The following RNF130 variants were observed in gnomAD, a reference collection of about 807,000 sequenced individuals.
RNF130 encodes E3 ubiquitin-protein ligase RNF130.
In RNF130, 21 loss-of-function variants were observed where a neutral mutation model predicts 44.6. That is an observed-to-expected ratio of 0.47 (90% CI 0.33 to 0.68). The LOEUF (loss-of-function observed/expected upper bound fraction) is 0.68. RNF130 is among the 30% of genes least tolerant of loss of function. The probability of loss-of-function intolerance (pLI) is 0.02; values close to 1 mark genes in which losing one functional copy is unlikely to be tolerated. For missense variants in RNF130, 479 were observed against 560.6 expected (o/e 0.85, Z 1.47); for synonymous variants, 214 against 210.4 (o/e 1.02, Z -0.15).
At chr5:180,059,158 T>C (rs1241263024) in intron 1 of RNF130, among the ~76,000 whole-genome samples, 1 of 152,120 alleles carries the variant, frequency 6.6e-6, no homozygotes, top group African/African-American at 2.4e-5. Context: ...TACATCACAG[T>C]TTTTGCACCT....
intron 3 of RNF130, among the ~76,000 whole-genome samples, chr5:179,988,204 C>G (rs1408288763): frequency 1.3e-5 from 2 of 152,152 alleles, no homozygotes; most frequent in Non-Finnish European, 2.9e-5. Context: ...TCCATTTTCT[C>G]TAGGTTTTCC....
intron 8 of RNF130, among the ~76,000 whole-genome samples, chr5:179,957,917 G>T (rs1217585589): frequency 6.7e-6 from 1 of 149,214 alleles, no homozygotes; most frequent in South Asian, 2.1e-4. Flanking sequence ...TCGCTCTGTC[G>T]CCCAGGCTGG....
At chr5:179,961,797 G>A (rs554772843) in intron 8 of RNF130, among the ~76,000 whole-genome samples, 2 of 152,254 alleles carry the variant, frequency 1.3e-5, no homozygotes, top group South Asian at 4.2e-4. Flanking sequence ...ATGGTACTGT[G>A]TCCCACTTCA....
intron 2 of RNF130, among the ~76,000 whole-genome samples, chr5:180,033,833 T>C (rs948966991): frequency 1.3e-5 from 2 of 152,252 alleles, no homozygotes; most frequent in South Asian, 4.1e-4. Flanking sequence ...ATACACAACC[T>C]ATGAATAATG....
At chr5:180,031,761 G>C (rs4623110) in intron 2 of RNF130, among the ~76,000 whole-genome samples, 21,812 of 152,130 alleles carry the variant, frequency 0.14, 3,805 homozygotes, top group African/African-American at 0.42. Flanking sequence ...ATTTCTCTTA[G>C]ATATCTGGGA....
chr5:180,003,993 A>T (rs1006505466), intron 3 of RNF130, among the ~76,000 whole-genome samples: 3 of 152,242 alleles, frequency 2.0e-5, no homozygotes, highest in African/African-American at 7.2e-5. Flanking sequence ...TTATCGTCAC[A>T]ATCATTTTAT....
At chr5:179,949,760 G>A (rs924208440) in intron 7 of RNF130, among the ~76,000 whole-genome samples, 11 of 152,164 alleles carry the variant, frequency 7.2e-5, no homozygotes, top group African/African-American at 1.4e-4. Flanking sequence ...TGCAGCCTGC[G>A]TCGCTTGGCA....
chr5:179,953,640 C>T (rs1024056850), downstream of RNF130, among the ~76,000 whole-genome samples: 18 of 152,256 alleles, frequency 1.2e-4, no homozygotes, highest in Middle Eastern at 3.4e-3. Context: ...AATGGATCAT[C>T]AAAGATCTAA....
At chr5:179,972,353 C>T (rs775347390) in intron 5 of RNF130, among the ~76,000 whole-genome samples, 52 of 152,316 alleles carry the variant, frequency 3.4e-4, no homozygotes, top group Non-Finnish European at 6.2e-4. Flanking sequence ...AGGAGGAGTA[C>T]GGACCTATGC....
intron 7 of RNF130, among the ~76,000 whole-genome samples, chr5:179,924,817 A>T (rs187190386): frequency 1.4e-4 from 22 of 152,266 alleles, no homozygotes; most frequent in African/African-American, 4.8e-4. Context: ...TAAAAAATTT[A>T]AAATGGGATC....
intron 2 of RNF130, among the ~76,000 whole-genome samples, chr5:180,020,888 C>T (rs575752186): frequency 1.1e-4 from 17 of 152,298 alleles, no homozygotes; most frequent in African/African-American, 4.1e-4. Flanking sequence ...TTCAACACAA[C>T]ACAGGAACTC....
At chr5:180,064,954 A>G (rs866436885) in intron 1 of RNF130, among the ~76,000 whole-genome samples, 7 of 152,320 alleles carry the variant, frequency 4.6e-5, no homozygotes, top group South Asian at 2.1e-4. Context: ...AAACTGCTCA[A>G]AATTATGACA....
At position 179,945,749 on chromosome 5, in the gene RNF130, G is replaced by A. The variant is rs75515933; in HGVS notation, c.1150+21057C>T. Among the ~76,000 whole-genome samples, 776 of 152,184 alleles carry A rather than the reference G, an allele frequency of 5.1e-3. 10 individuals carry two copies. Among genetic ancestry groups the A allele is most frequent in the African/African-American group, 0.018 (758 of 41,516 alleles). On this transcript the variant is annotated intron_variant, in intron 7 of 7. Coordinates refer to the RNF130 transcript ENST00000522208. Reference sequence around the variant, plus strand: ...TGCCCTAAGCTTATGAGCGGTGTCCGGCCTCGGCAGGAACCTAAATACTAC... The same window carrying A: ...TGCCCTAAGCTTATGAGCGGTGTCCAGCCTCGGCAGGAACCTAAATACTAC...
At chr5:179,940,394 T>C (rs539966945) in intron 7 of RNF130, among the ~76,000 whole-genome samples, 1 of 152,022 alleles carries the variant, frequency 6.6e-6, no homozygotes, top group Non-Finnish European at 1.5e-5. Context: ...CTAATTTTTA[T>C]ATTTTTAGTA....
intron 1 of RNF130, among the ~76,000 whole-genome samples, chr5:180,052,421 TC>T: frequency 6.6e-6 from 1 of 152,274 alleles, no homozygotes; most frequent in Non-Finnish European, 1.5e-5. Context: ...AGACTCAACT[TC>T]CCACTGCTGC....
At chr5:179,984,178 A>G (rs1286586618) in intron 3 of RNF130, among the ~76,000 whole-genome samples, 3 of 152,228 alleles carry the variant, frequency 2.0e-5, no homozygotes, top group East Asian at 1.9e-4. Flanking sequence ...AGATTCCAAC[A>G]TATCTTCTAC....
intron 1 of RNF130, among the ~76,000 whole-genome samples, chr5:180,054,945 G>C (rs1281695194): frequency 6.6e-6 from 1 of 152,066 alleles, no homozygotes; most frequent in Non-Finnish European, 1.5e-5. Flanking sequence ...CTGGCATATA[G>C]AACTACAACT....
At chr5:179,921,066 G>A (rs1265443792) in intron 7 of RNF130, among the ~76,000 whole-genome samples, 1 of 151,992 alleles carries the variant, frequency 6.6e-6, no homozygotes, top group African/African-American at 2.4e-5. Flanking sequence ...GCTACTCAAA[G>A]CTGAGCTGTG....
At chr5:180,016,456 A>T (rs1763735676) in intron 2 of RNF130, among the ~76,000 whole-genome samples, 2 of 152,352 alleles carry the variant, frequency 1.3e-5, no homozygotes, top group African/African-American at 4.8e-5. Flanking sequence ...CACATTTGGG[A>T]CATGCCCCAC....
Sources: gnomAD v4.1 joint callset for allele counts (sites outside exome capture counted in the v4.1 genomes callset) on GRCh38, gnomAD v4.1.1 for gene constraint, MANE v1.5 for transcripts, NCBI Gene and HGNC (gene_info 2026-07-23, HGNC 2026-07-21) for gene names.